The following PTPRD variants were observed in gnomAD, a reference collection of about 807,000 sequenced individuals.
PTPRD encodes the protein receptor-type tyrosine-protein phosphatase delta.
PTPRD carries 34 observed loss-of-function variants against 214.5 expected under a neutral mutation model. That is an observed-to-expected ratio of 0.16 (90% confidence interval 0.12 to 0.21). The LOEUF is 0.21. Among genes scored for constraint, PTPRD ranks in the 10% least tolerant of loss-of-function variants. PTPRD has a pLI of 1.00. For synonymous variants in PTPRD, 1,128 were observed against 845.7 expected (o/e 1.33, Z -5.79); for missense variants, 2,545 against 2,398.7 (o/e 1.06, Z -1.27).
At chr9:8,990,288 G>T (rs1055058999) in intron 11 of PTPRD, among the ~76,000 whole-genome samples, 3 of 152,154 alleles carry the variant, frequency 2.0e-5, no homozygotes, top group Non-Finnish European at 1.5e-5. Flanking sequence ...ATTGTTAAAT[G>T]ATTCTGCATC....
chr9:8,551,145 T>C (rs1006742335), intron 14 of PTPRD, among the ~76,000 whole-genome samples: 1 of 152,230 alleles, frequency 6.6e-6, no homozygotes, highest in Non-Finnish European at 1.5e-5. Flanking sequence ...TTCATAATTA[T>C]ATCAAAGGGT....
At chr9:8,765,542 C>T (rs1019926706) in intron 11 of PTPRD, among the ~76,000 whole-genome samples, 1 of 152,176 alleles carries the variant, frequency 6.6e-6, no homozygotes, top group African/African-American at 2.4e-5. Context: ...AGCCAAGTAG[C>T]AGAGCCTACA....
intron 5 of PTPRD, among the ~76,000 whole-genome samples, chr9:9,892,051 A>T (rs962174659): frequency 2.6e-5 from 4 of 152,098 alleles, no homozygotes; most frequent in Non-Finnish European, 5.9e-5. Flanking sequence ...TTTACTTTTA[A>T]TTTCTTCTAT....
intron 4 of PTPRD, among the ~76,000 whole-genome samples, chr9:9,941,065 G>A (rs1603169525): frequency 1.3e-5 from 2 of 152,088 alleles, no homozygotes; most frequent in Non-Finnish European, 2.9e-5. Context: ...GACAGCTGAT[G>A]AGAAAAAGAA....
intron 3 of PTPRD, among the ~76,000 whole-genome samples, chr9:10,181,691 T>C (rs1375319669): frequency 1.3e-5 from 2 of 151,726 alleles, no homozygotes; most frequent in African/African-American, 4.8e-5. Flanking sequence ...TGGAGTAGCA[T>C]AAGTGATGGC....
chr9:9,732,262 T>C (rs2098210423), intron 7 of PTPRD, among the ~76,000 whole-genome samples: 1 of 152,000 alleles, frequency 6.6e-6, no homozygotes, highest in Admixed American at 6.6e-5. Flanking sequence ...TTTGGATAAC[T>C]GTGGCAATAC....
intron 39 of PTPRD, among the ~76,000 whole-genome samples, chr9:8,367,494 C>G (rs1271957116): frequency 6.6e-6 from 1 of 152,108 alleles, no homozygotes; most frequent in African/African-American, 2.4e-5. Context: ...ATTCTACGAT[C>G]TAAAATGTCC....
At chr9:9,463,875 C>T (rs1044402005) in intron 8 of PTPRD, among the ~76,000 whole-genome samples, 3 of 152,072 alleles carry the variant, frequency 2.0e-5, no homozygotes, top group African/African-American at 2.4e-5. Flanking sequence ...AACCATCAGG[C>T]CTCCCAAATA....
At chr9:9,240,720 C>A (rs906277559) in intron 9 of PTPRD, among the ~76,000 whole-genome samples, 2 of 152,082 alleles carry the variant, frequency 1.3e-5, no homozygotes, top group African/African-American at 2.4e-5. Context: ...GGTAGTAATA[C>A]GAATGTTTCA....
intron 7 of PTPRD, among the ~76,000 whole-genome samples, chr9:9,733,096 G>C (rs2098227623): frequency 6.6e-6 from 1 of 152,150 alleles, no homozygotes; most frequent in Non-Finnish European, 1.5e-5. Flanking sequence ...CACAATGAAA[G>C]GCTAAACTAG....
chr9:8,602,396 T>C (rs1332406049), intron 14 of PTPRD, among the ~76,000 whole-genome samples: 2 of 152,276 alleles, frequency 1.3e-5, no homozygotes, highest in East Asian at 3.9e-4. Context: ...ATAAATAGGA[T>C]GACAACAGCA....
At chr9:9,216,371 A>G (rs2099952240) in intron 9 of PTPRD, among the ~76,000 whole-genome samples, 1 of 152,180 alleles carries the variant, frequency 6.6e-6, no homozygotes, top group Non-Finnish European at 1.5e-5. Flanking sequence ...GGAGCTAATT[A>G]TACTACTTGC....
intron 8 of PTPRD, among the ~76,000 whole-genome samples, chr9:9,567,074 A>T (rs1467035698): frequency 6.6e-6 from 1 of 152,052 alleles, no homozygotes; most frequent in Non-Finnish European, 1.5e-5. Context: ...AATATGTTGA[A>T]GGTCAATGGG....
intron 5 of PTPRD, among the ~76,000 whole-genome samples, chr9:9,803,272 T>C (rs1258913239): frequency 6.7e-6 from 1 of 149,636 alleles, no homozygotes; most frequent in Non-Finnish European, 1.5e-5. Context: ...AAAAAGCAAG[T>C]CAGTAAACCG....
intron 14 of PTPRD, among the ~76,000 whole-genome samples, chr9:8,595,053 C>T (rs1051588345): frequency 3.0e-4 from 45 of 151,482 alleles, no homozygotes; most frequent in African/African-American, 8.2e-4. Flanking sequence ...TTAGTAGAGA[C>T]GTGGTTTCTC....
rs569883634 is a variant in PTPRD, at chr9:9,073,868, T to C, written c.-142-55133A>G. Among the ~76,000 whole-genome samples, 11 of 152,298 alleles carry C rather than the reference T, an allele frequency of 7.2e-5. No homozygotes were observed. The South Asian group carries it at 2.1e-3, about 29-fold the overall frequency. ...ATTAAAAATCCTCATTTTTATATTA[T>C]ATGTGATAATCCATATATAATATAC... On this transcript the variant is annotated intron_variant, in intron 10 of 45. Transcript: ENST00000381196.
chr9:9,957,822 T>G (rs755398848), intron 4 of PTPRD, among the ~76,000 whole-genome samples: 13 of 151,938 alleles, frequency 8.6e-5, no homozygotes, highest in Non-Finnish European at 1.3e-4. Flanking sequence ...AGCCTGGTGT[T>G]GGTGAAACAA....
At chr9:10,009,387 A>C (rs569095266) in intron 4 of PTPRD, among the ~76,000 whole-genome samples, 1 of 151,994 alleles carries the variant, frequency 6.6e-6, no homozygotes, top group Non-Finnish European at 1.5e-5. Flanking sequence ...TAGGGTGTGC[A>C]CGGGTTCGGT....
intron 2 of PTPRD, among the ~76,000 whole-genome samples, chr9:10,351,892 A>C (rs1317778706): frequency 6.6e-6 from 1 of 152,046 alleles, no homozygotes; most frequent in Non-Finnish European, 1.5e-5. Flanking sequence ...GGAGATGGGC[A>C]TAGATGTGTT....
Sources: gnomAD v4.1 joint callset for allele counts (sites outside exome capture counted in the v4.1 genomes callset) on GRCh38, gnomAD v4.1.1 for gene constraint, MANE v1.5 for transcripts, NCBI Gene and HGNC (gene_info 2026-07-23, HGNC 2026-07-21) for gene names.